Variants in TCF20 observed in about 807,000 individuals in gnomAD.
TCF20 encodes transcription factor 20.
A neutral mutation model predicts 148.6 loss-of-function variants in TCF20; 3 were observed. The ratio of observed to expected loss-of-function variants is 0.02; its 90% CI spans 0.01 to 0.05. The LOEUF is 0.05. Among genes scored for constraint, TCF20 ranks in the 10% least tolerant of loss-of-function variants. The pLI is 1.00. For synonymous variants in TCF20, 1,049 were observed against 909.5 expected (o/e 1.15, Z -2.76); for missense variants, 2,350 against 2,429.3 (o/e 0.97, Z 0.69).
intron 1 of TCF20, among the ~76,000 whole-genome samples, chr22:42,341,663 C>T (rs1026982245): frequency 1.3e-5 from 2 of 152,068 alleles, no homozygotes; most frequent in African/African-American, 4.8e-5. Flanking sequence ...GCCAGCCTCC[C>T]CAGTGTTCAT....
rs79225370 is a variant in TCF20 at position 42,196,934 on chromosome 22, A to G, written c.5655+12717T>C. Among the ~76,000 whole-genome samples, 387 of 152,268 alleles carry G rather than the reference A, an allele frequency of 2.5e-3. 2 individuals are homozygous for G. The highest frequency in any genetic ancestry group is 0.01 in the Middle Eastern group (3 of 294). On this transcript the variant is annotated intron_variant, in intron 2 of 5. Coordinates refer to ENST00000677622, the MANE Select transcript of TCF20 (RefSeq NM_001378418.1). ...TATCTGCCTGTGTAGCAGTTCTTCA[A>G]TTCTATTTTCATAAGGCACGTTAAC...
At chr22:42,223,200 C>T (rs1922540665) in intron 1 of TCF20, among the ~76,000 whole-genome samples, 1 of 152,122 alleles carries the variant, frequency 6.6e-6, no homozygotes, top group South Asian at 2.1e-4. Flanking sequence ...ATATGTTAGT[C>T]ACTGTGTGGT....
chr22:42,189,539 T>C (rs1163174308), intron 2 of TCF20, among the ~76,000 whole-genome samples: 1 of 152,242 alleles, frequency 6.6e-6, no homozygotes, highest in East Asian at 1.9e-4. Flanking sequence ...CTTCCTGCTT[T>C]AGTAAATAGC....
chr22:42,262,162 T>G (rs1034905011), intron 1 of TCF20, among the ~76,000 whole-genome samples: 1 of 152,158 alleles, frequency 6.6e-6, no homozygotes, highest in Non-Finnish European at 1.5e-5. Flanking sequence ...CTAAGTGCTA[T>G]GGAAAACCAT....
At chr22:42,293,150 G>C (rs1927164107) in intron 1 of TCF20, among the ~76,000 whole-genome samples, 1 of 152,004 alleles carries the variant, frequency 6.6e-6, no homozygotes, top group Admixed American at 6.5e-5. Flanking sequence ...GTGTAGTGTT[G>C]GCCCCCCAGC....
At chr22:42,307,980 G>C (rs1927465456) in intron 1 of TCF20, among the ~76,000 whole-genome samples, 1 of 152,216 alleles carries the variant, frequency 6.6e-6, no homozygotes, top group African/African-American at 2.4e-5. Context: ...GGCCAATAGG[G>C]GCGCAGGCTA....
At position 42,213,674 on chromosome 22, in the gene TCF20, A is replaced by C; in HGVS notation, c.1632T>G (p.Ser544=). Reference sequence around the variant, plus strand: ...AGGCTCCACCCTTGTAGGTGGTGTCAGAGCTGGTGCTCTGGCCACTTAGTT... The same window carrying C: ...AGGCTCCACCCTTGTAGGTGGTGTCCGAGCTGGTGCTCTGGCCACTTAGTT... ...VRQLSGQSTS[S]DTTYKGGASE... The change falls in exon 2 of 6, where the codon TCT becomes TCG. Residue 544 remains serine, a synonymous_variant. Transcript: ENST00000677622. 1.2e-6 allele frequency: 2 copies of C among 1,614,082 alleles called. No homozygotes were observed. Among genetic ancestry groups the C allele is most frequent in the South Asian group, 1.1e-5 (1 of 91,086 alleles).
chr22:42,211,858 C>T lies in TCF20; in HGVS notation c.3448G>A (p.Gly1150Arg). 2 of 1,614,180 alleles carry T rather than the reference C, an allele frequency of 1.2e-6. No homozygotes were observed. Residue 1150 changes from glycine (G) to arginine (R), a missense_variant, in exon 2 of 6, where the codon GGG becomes AGG. Around this residue, in one of 7 missense-constraint regions of TCF20, gnomAD observed 1,641 missense variants for 1,662.6 expected, o/e 0.99. Transcript: ENST00000677622. ...KDGMMYGPPV[G>R]TYHDPSAQEA... is the part of the protein sequence containing the mutation. ...TGGGCACTGGGGTCATGGTAAGTCC[C>T]CACTGGTGGGCCATACATCATACCA...
intron 1 of TCF20, among the ~76,000 whole-genome samples, chr22:42,226,218 G>A (rs1191004917): frequency 1.3e-5 from 2 of 152,210 alleles, no homozygotes; most frequent in Admixed American, 1.3e-4. Context: ...GGACATCTCT[G>A]GGGCTAGCTA....
Position 42,161,311 on chromosome 22 carries a change from T to G in TCF20, c.*92A>C, listed in dbSNP as rs1935444519. 1 of 1,613,716 alleles carries G rather than the reference T, an allele frequency of 6.2e-7. No individual in the cohort carries two copies. The highest frequency in any genetic ancestry group is 1.3e-5 in the African/African-American group (1 of 74,902). ...GGTGTGGCTGCACGGTAGGACGATT[T>G]CCATTCCATCACGAGTGTCCACCAC... On this transcript the variant is annotated 3_prime_UTR_variant, in exon 6 of 6. Transcript: ENST00000677622.
At chr22:42,258,021 G>C (rs1162116053) in intron 1 of TCF20, among the ~76,000 whole-genome samples, 2 of 152,136 alleles carry the variant, frequency 1.3e-5, no homozygotes, top group Admixed American at 6.5e-5. Flanking sequence ...TAATATATGG[G>C]GAACAGTGGA....
At chr22:42,224,534 CAAAAAAAAAAAAA>C (rs66858906) in intron 1 of TCF20, among the ~76,000 whole-genome samples, 412 of 39,620 alleles carry the variant, frequency 0.01, 13 homozygotes, top group African/African-American at 0.038. Context: ...AAAGCTGGTA[CAAAAAAAAAAAAA>C]AAAAAAAAAA....
intron 1 of TCF20, among the ~76,000 whole-genome samples, chr22:42,309,598 C>T (rs1040457027): frequency 1.1e-4 from 16 of 152,120 alleles, no homozygotes; most frequent in South Asian, 8.3e-4. Context: ...ACACCCCAAC[C>T]GTGCCCGTGG....
intron 2 of TCF20, among the ~76,000 whole-genome samples, chr22:42,183,118 G>T (rs890664265): frequency 5.9e-5 from 9 of 152,262 alleles, no homozygotes; most frequent in Non-Finnish European, 1.2e-4. Flanking sequence ...GCAGTTTGAG[G>T]ACCACTGGTC....
At chr22:42,259,825 G>A (rs976456743) in intron 1 of TCF20, among the ~76,000 whole-genome samples, 7 of 152,160 alleles carry the variant, frequency 4.6e-5, no homozygotes, top group Non-Finnish European at 8.8e-5. Context: ...GAGGAAAAGG[G>A]AGATAAACAA....
intron 1 of TCF20, among the ~76,000 whole-genome samples, chr22:42,246,370 A>G (rs1924906087): frequency 6.6e-6 from 1 of 152,154 alleles, no homozygotes; most frequent in Non-Finnish European, 1.5e-5. Context: ...TCGGCCTCCC[A>G]AAGTGCTGGG....
chr22:42,234,416 A>G (rs1192716164), intron 1 of TCF20, among the ~76,000 whole-genome samples: 4 of 152,144 alleles, frequency 2.6e-5, no homozygotes, highest in Non-Finnish European at 4.4e-5. Context: ...TTTACAGTTT[A>G]TGGGGTCCTC....
Position 42,213,582 on chromosome 22 carries a change from G to C in TCF20, c.1724C>G (p.Pro575Arg). Residue 575 changes from proline (P) to arginine (R), a missense_variant, in exon 2 of 6, where the codon CCT (proline) becomes CGT (arginine). By Grantham distance (103) the Pro-to-Arg change is moderately radical. Transcript: ENST00000677622. ...QNEPPRLNAS[P>R]AAREEATSPG... ...TGAGGTGGCCTCTTCTCTTGCGGCA[G>C]GACTAGCATTGAGTCTGGGGGGTTC... is the stretch of plus-strand genomic sequence containing the variant. The C allele has an allele frequency of 6.2e-7, 1 of 1,614,156 alleles. No individual in the cohort carries two copies.
intron 1 of TCF20, among the ~76,000 whole-genome samples, chr22:42,302,283 G>A (rs934480618): frequency 6.6e-6 from 1 of 152,174 alleles, no homozygotes; most frequent in Non-Finnish European, 1.5e-5. Flanking sequence ...GGTGGCTGCA[G>A]CTGGGGGTCT....
Sources: gnomAD v4.1 joint callset for allele counts (sites outside exome capture counted in the v4.1 genomes callset) on GRCh38, gnomAD v4.1.1 for gene constraint, gnomAD v4.1.1 regional missense constraint, MANE v1.5 for transcripts, NCBI Gene and HGNC (gene_info 2026-07-23, HGNC 2026-07-21) for gene names.